Variants in PDZD2 observed in about 807,000 individuals in gnomAD.
PDZD2 encodes the protein PDZ domain containing 2, also known as PDZ domain-containing protein 2.
Under a neutral mutation model 220.7 loss-of-function variants are expected in PDZD2, and 90 were observed. The ratio of observed to expected loss-of-function variants is 0.41; its 90% CI spans 0.34 to 0.49. PDZD2 has a LOEUF of 0.49. PDZD2 is among the 20% of genes least tolerant of loss of function. The pLI is 0.28. For missense variants in PDZD2, 3,174 were observed against 3,608.5 expected (o/e 0.88, Z 3.08); for synonymous variants, 1,375 against 1,450.5 (o/e 0.95, Z 1.18).
chr5:31,766,589 A>G (rs1003862975), intron 1 of PDZD2, among the ~76,000 whole-genome samples: 1 of 152,102 alleles, frequency 6.6e-6, no homozygotes, highest in Admixed American at 6.5e-5. Context: ...ATGGGGTTTC[A>G]CCATGTTGCC....
At chr5:31,806,919 T>C (rs1041880911) in intron 2 of PDZD2, among the ~76,000 whole-genome samples, 1 of 149,762 alleles carries the variant, frequency 6.7e-6, no homozygotes, top group Non-Finnish European at 1.5e-5. Context: ...AATGTAAACT[T>C]TGGGCGTCTT....
intron 1 of PDZD2, chr5:31,725,995 T>G: frequency 2.1e-6 from 1 of 481,456 alleles, no homozygotes; most frequent in Non-Finnish European, 3.7e-6. Flanking sequence ...CTCCTGGGTC[T>G]TCCCTGCAGA....
At chr5:32,079,319 C>A (rs1274181177) in intron 19 of PDZD2, among the ~76,000 whole-genome samples, 2 of 150,790 alleles carry the variant, frequency 1.3e-5, no homozygotes, top group Admixed American at 1.3e-4. Context: ...AACTTGCACT[C>A]TGTGGGTAGG....
rs928539556 is a variant in PDZD2, at chr5:32,098,932, T to G, written c.8218+298T>G. Among the ~76,000 whole-genome samples, 19 of 152,214 alleles carry G rather than the reference T, an allele frequency of 1.2e-4. No homozygotes were observed. The highest frequency in any genetic ancestry group is 4.6e-4 in the African/African-American group (19 of 41,460). On this transcript the variant is annotated intron_variant, in intron 23 of 24. Transcript: ENST00000438447. This position sits in a 1 kb window ranked among gnomAD's most constrained non-coding sequence, Gnocchi z 4.1. ...AGGAATCTCTTACATTCACAGCCTC[T>G]TGTTAGGACTGGTAAGGAAAACAGG...
intron 15 of PDZD2, among the ~76,000 whole-genome samples, chr5:32,070,727 G>A (rs185450508): frequency 3.4e-4 from 52 of 152,370 alleles, no homozygotes; most frequent in African/African-American, 1.1e-3. Flanking sequence ...CGGGCGCCAT[G>A]GCTCACGCCT....
intron 2 of PDZD2, among the ~76,000 whole-genome samples, chr5:31,881,708 A>G (rs1000922803): frequency 1.4e-5 from 2 of 147,868 alleles, no homozygotes; most frequent in Non-Finnish European, 3.0e-5. Flanking sequence ...ACACACACAT[A>G]TATATATACA....
At chr5:32,003,831 C>T (rs1361647793) in intron 5 of PDZD2, among the ~76,000 whole-genome samples, 1 of 152,184 alleles carries the variant, frequency 6.6e-6, no homozygotes, top group Non-Finnish European at 1.5e-5. Context: ...CCTGCCTCAG[C>T]CTCCCAAGTA....
chr5:31,996,866 G>A (rs993761521), intron 4 of PDZD2, among the ~76,000 whole-genome samples: 1 of 152,176 alleles, frequency 6.6e-6, no homozygotes, highest in Admixed American at 6.5e-5. Flanking sequence ...CTGGGTGACA[G>A]AGCAAGAGAC....
At chr5:31,665,650 C>CCCA (rs1554060804) in intron 1 of PDZD2, among the ~76,000 whole-genome samples, 1 of 117,366 alleles carries the variant, frequency 8.5e-6, no homozygotes, top group African/African-American at 3.3e-5. Context: ...CCCCTCCCCC[C>CCCA]CCTCCCTTTC....
rs142093744 is a variant in PDZD2 at position 32,070,780 on chromosome 5, G to T, written c.2534-604G>T. 1.4e-3 allele frequency among the ~76,000 whole-genome samples: 219 copies of T among 152,358 alleles called. 5 individuals carry two copies. In the East Asian group the frequency reaches 0.039, roughly 27 times the overall value. On this transcript the variant is annotated intron_variant, in intron 15 of 24. Coordinates refer to ENST00000438447, the MANE Select transcript of PDZD2 (RefSeq NM_178140.4). ...GGAGGCCAAGGCGGGCAGATCACCT[G>T]AAGTCTGGAGTTCGAGACCAGCCTG...
rs1744688808 is a variant in PDZD2 at position 32,105,633 on chromosome 5, A to C, written c.8354-2336A>C. ...CTCAAAAACAGTGTTGAATGAAAAA[A>C]AGCCAAATGCAGATTGTGCACTGTG... On this transcript the variant is annotated intron_variant, in intron 24 of 24. Coordinates refer to ENST00000438447, the MANE Select transcript of PDZD2 (RefSeq NM_178140.4). Among the ~76,000 whole-genome samples, 3 of 152,376 alleles carry C rather than the reference A, an allele frequency of 2.0e-5. No individual in the cohort carries two copies. In the South Asian group the frequency reaches 6.2e-4, roughly 32 times the overall value.
Position 32,003,565 on chromosome 5 carries a change from G to A in PDZD2, c.1254+3294G>A, listed in dbSNP as rs1389947451. ...ACAGAGGCATGTGTCTGCAGAGAAC[G>A]CGTGTTTCATTTGCACAGCCCACCT... On this transcript the variant is annotated intron_variant, in intron 5 of 24. Coordinates refer to ENST00000438447, the MANE Select transcript of PDZD2 (RefSeq NM_178140.4). Among the ~76,000 whole-genome samples, 6 of 151,416 alleles carry A rather than the reference G, an allele frequency of 4.0e-5. No individual in the cohort carries two copies. In the East Asian group the frequency reaches 5.8e-4, roughly 15 times the overall value.
rs1744839276 is a variant in PDZD2 at position 31,639,227 on chromosome 5, G to C, written c.-571G>C. ...AGCGGGACGCGGCGGGGCGGCGGCT[G>C]CAGGCAGCCGAGGAGCCGCAGGCCG... is the stretch of plus-strand genomic sequence containing the variant. On this transcript the variant is annotated 5_prime_UTR_variant, in exon 1 of 25. Transcript: ENST00000438447. This position sits in a 1 kb window ranked among gnomAD's most constrained non-coding sequence, Gnocchi z 4.1. 6.6e-6 allele frequency among the ~76,000 whole-genome samples: 1 copy of C among 151,552 alleles called. No individual in the cohort carries two copies. Among genetic ancestry groups the C allele is most frequent in the Admixed American group, 6.6e-5 (1 of 15,212 alleles).
intron 2 of PDZD2, among the ~76,000 whole-genome samples, chr5:31,961,551 A>G (rs1381435611): frequency 2.0e-5 from 3 of 151,974 alleles, no homozygotes; most frequent in Non-Finnish European, 2.9e-5. Context: ...AAAATACAAT[A>G]CAGCTTCATT....
intron 2 of PDZD2, among the ~76,000 whole-genome samples, chr5:31,980,814 T>C (rs1012178241): frequency 1.3e-5 from 2 of 152,092 alleles, no homozygotes; most frequent in African/African-American, 4.8e-5. Context: ...GATGGAGTCT[T>C]GCTCTGTCGC....
intron 2 of PDZD2, among the ~76,000 whole-genome samples, chr5:31,963,035 A>C (rs1482313858): frequency 6.6e-6 from 1 of 151,834 alleles, no homozygotes; most frequent in Non-Finnish European, 1.5e-5. Flanking sequence ...TGCTGAGAAC[A>C]CTTGGTAATG....
chr5:32,058,589 G>A (rs1056400471), intron 12 of PDZD2, among the ~76,000 whole-genome samples: 10 of 149,866 alleles, frequency 6.7e-5, no homozygotes, highest in African/African-American at 1.2e-4. Flanking sequence ...CAAGACAATC[G>A]CTCGAACCCG....
At chr5:31,982,573 C>T (rs1408410561) in intron 2 of PDZD2, among the ~76,000 whole-genome samples, 1 of 152,202 alleles carries the variant, frequency 6.6e-6, no homozygotes, top group African/African-American at 2.4e-5. Flanking sequence ...TCCCAAAGCG[C>T]TGGATTACAG....
At chr5:31,909,937 C>T (rs1743019357) in intron 2 of PDZD2, among the ~76,000 whole-genome samples, 1 of 152,154 alleles carries the variant, frequency 6.6e-6, no homozygotes, top group Admixed American at 6.6e-5. Context: ...ATTCATATAA[C>T]CCTGCCACAG....
Sources: gnomAD v4.1 joint callset for allele counts (sites outside exome capture counted in the v4.1 genomes callset) on GRCh38, gnomAD v4.1.1 for gene constraint, Gnocchi (gnomAD v3.1) non-coding constraint, MANE v1.5 for transcripts, NCBI Gene and HGNC (gene_info 2026-07-23, HGNC 2026-07-21) for gene names.